Variants in TACC1 observed in about 807,000 individuals in gnomAD.
TACC1 encodes transforming acidic coiled-coil containing protein 1.
Under a neutral mutation model 84.4 loss-of-function variants are expected in TACC1, and 48 were observed. That is an observed-to-expected ratio of 0.57 (90% CI 0.45 to 0.72). The LOEUF is 0.72. TACC1 is among the 30% of genes least tolerant of loss of function. The probability of loss-of-function intolerance (pLI) is 0.00; values close to 1 mark genes in which losing one functional copy is unlikely to be tolerated. For synonymous variants in TACC1, 372 were observed against 376.3 expected, an observed-to-expected ratio of 0.99 and a Z score of 0.13; for missense variants, 920 against 973.0, an observed-to-expected ratio of 0.95 and a Z score of 0.72.
At chr8:38,815,093 G>T (rs1315640497) in intron 2 of TACC1, among the ~76,000 whole-genome samples, 1 of 152,168 alleles carries the variant, frequency 6.6e-6, no homozygotes, top group African/African-American at 2.4e-5. Flanking sequence ...ATATGGAAAG[G>T]GTGGCTCTCC....
At chr8:38,736,344 G>A (rs1805951769) in intron 1 of TACC1, among the ~76,000 whole-genome samples, 3 of 152,206 alleles carry the variant, frequency 2.0e-5, no homozygotes, top group Admixed American at 2.0e-4. Flanking sequence ...TGCCTGTGTG[G>A]TGGCTCATGC....
rs1272014153 is a variant in TACC1 at position 38,851,003 on chromosome 8, C to CAT, written c.*2981_*2982insTA. On this transcript the variant is annotated 3_prime_UTR_variant, in exon 13 of 13. Transcript: ENST00000317827. ...CTGAACAATTCCCCCCGTGGCTGCC[C>CAT]AGATAGTCACAGTCAAGGTTGGAGA... The CAT allele has an allele frequency of 6.6e-6, 1 of 152,594 alleles. No individual in the cohort carries two copies. Among genetic ancestry groups the CAT allele is most frequent in the Non-Finnish European group, 1.5e-5 (1 of 68,066 alleles). 9.5% of individuals were successfully genotyped at this position (152,594 alleles called of 1,614,324 possible).
Position 38,825,370 on chromosome 8 carries a change from T to C in TACC1, c.1452+2T>C. On this transcript the variant is annotated splice_donor_variant, in intron 4 of 12. Coordinates refer to ENST00000317827, the MANE Select transcript of TACC1 (RefSeq NM_006283.3). LOFTEE classifies it high-confidence loss of function. ...CTCGCCCTGGATGCATGTTCTCGGG[T>C]GAGTCTGTGCCCATCTCCAGAATGT... 1 of 1,614,094 alleles carries C rather than the reference T, an allele frequency of 6.2e-7. No individual in the cohort carries two copies. Among genetic ancestry groups the C allele is most frequent in the Non-Finnish European group, 8.5e-7 (1 of 1,179,962 alleles).
chr8:38,776,765 T>A (rs1021572758), intron 3 of TACC1, among the ~76,000 whole-genome samples: 8 of 152,050 alleles, frequency 5.3e-5, no homozygotes, highest in Non-Finnish European at 1.0e-4. Context: ...TTATCATTTT[T>A]AAAAATGCTT....
intron 4 of TACC1, among the ~76,000 whole-genome samples, chr8:38,825,860 T>C (rs1326847704): frequency 1.3e-5 from 2 of 152,246 alleles, no homozygotes; most frequent in Non-Finnish European, 2.9e-5. Context: ...GAAAGGCACT[T>C]ATGTTACAGA....
rs377544548 is a variant in TACC1, at chr8:38,787,754, G to T, written c.161+11G>T. 1,230 of 1,517,734 alleles carry T rather than the reference G, an allele frequency of 8.1e-4. 1 individual carries two copies. Among genetic ancestry groups the T allele is most frequent in the Non-Finnish European group, 1.0e-3 (1,147 of 1,141,412 alleles). The allele number at this position is 1,517,734 out of a possible 1,614,324, so 94.0% of individuals were successfully genotyped here. On this transcript the variant is annotated intron_variant, in intron 1 of 12. Coordinates refer to ENST00000317827, the MANE Select transcript of TACC1 (RefSeq NM_006283.3). ...ATCCTTGAGTTTCAGGCAAGTACAC[G>T]GCGTCCCCGCTGAGATGCAGACGCG...
At chr8:38,766,006 A>G (rs1812180717) in intron 3 of TACC1, among the ~76,000 whole-genome samples, 1 of 152,168 alleles carries the variant, frequency 6.6e-6, no homozygotes, top group East Asian at 1.9e-4. Flanking sequence ...TCAGGCATAC[A>G]TTTTTCAGGG....
chr8:38,766,125 C>G (rs1398024734), intron 3 of TACC1, among the ~76,000 whole-genome samples: 1 of 152,204 alleles, frequency 6.6e-6, no homozygotes, highest in Non-Finnish European at 1.5e-5. Flanking sequence ...CCTTTATCTT[C>G]CAGCTCCTTT....
At chr8:38,809,012 C>T (rs570679135) in intron 2 of TACC1, among the ~76,000 whole-genome samples, 3 of 152,036 alleles carry the variant, frequency 2.0e-5, no homozygotes, top group East Asian at 3.9e-4. Flanking sequence ...TTACCTGGCA[C>T]CTGCCCCGAG....
At chr8:38,761,839 C>T (rs1208018170) in intron 3 of TACC1, among the ~76,000 whole-genome samples, 2 of 152,092 alleles carry the variant, frequency 1.3e-5, no homozygotes, top group African/African-American at 2.4e-5. Context: ...CCCAGAGCAA[C>T]CAGCCCTGTG....
chr8:38,827,399 T>C, intron 5 of TACC1, 24 bp downstream of exon 5: 1 of 1,611,366 alleles, frequency 6.2e-7, no homozygotes, highest in East Asian at 2.2e-5. Context: ...TCTTCATCTT[T>C]CTAATGTACA....
At chr8:38,743,636 T>G (rs886293507) in intron 2 of TACC1, among the ~76,000 whole-genome samples, 6 of 152,194 alleles carry the variant, frequency 3.9e-5, no homozygotes, top group Non-Finnish European at 7.3e-5. Flanking sequence ...AATTTAATAA[T>G]GAGTATTAAT....
intron 2 of TACC1, among the ~76,000 whole-genome samples, chr8:38,796,404 C>G (rs148718340): frequency 3.0e-4 from 46 of 152,268 alleles, no homozygotes; most frequent in African/African-American, 9.6e-4. Context: ...TAAAATGTTG[C>G]CAGAGCAGGG....
rs1029033426 is a variant in TACC1 at position 38,787,267 on chromosome 8, G to A, written c.-316G>A. ...GCGAGCCGGGAGCGGGAGCAGCAGA[G>A]GTCTAGCAGCCGGGCGCCGCGGGCC... On this transcript the variant is annotated 5_prime_UTR_variant, in exon 1 of 13. Transcript: ENST00000317827. The A allele has an allele frequency of 1.0e-5, 11 of 1,063,038 alleles. No homozygotes were observed. Among genetic ancestry groups the A allele is most frequent in the African/African-American group, 6.7e-5 (4 of 59,786 alleles). 65.9% of individuals were successfully genotyped at this position (1,063,038 alleles called of 1,614,324 possible).
chr8:38,763,869 CAG>C (rs1186565026), intron 3 of TACC1, among the ~76,000 whole-genome samples: 4 of 152,112 alleles, frequency 2.6e-5, no homozygotes, highest in African/African-American at 9.7e-5. Flanking sequence ...ATAAACAACA[CAG>C]TTAATAAACA....
In TACC1 at chr8:38,819,940, G is replaced by C. The variant is rs1246076725; in HGVS notation, c.696G>C (p.Lys232Asn). 6.2e-7 allele frequency: 1 copy of C among 1,614,128 alleles called. No individual in the cohort carries two copies. Among genetic ancestry groups the C allele is most frequent in the South Asian group, 1.1e-5 (1 of 91,086 alleles). Residue 232 changes from lysine to asparagine, a missense_variant, in exon 3 of 13, where the codon AAG (lysine) becomes AAC (asparagine). Coordinates refer to ENST00000317827, the MANE Select transcript of TACC1 (RefSeq NM_006283.3). ...LVPSRRSKLR[K>N]PKPVPLRKKA... ...CCAGCAGAAGAAGCAAGCTGAGAAA[G>C]CCCAAGCCTGTCCCCCTGAGGAAGA...
intron 3 of TACC1, among the ~76,000 whole-genome samples, chr8:38,758,680 A>AAC (rs1810617524): frequency 1.6e-5 from 2 of 128,440 alleles, no homozygotes; most frequent in South Asian, 2.2e-4. Flanking sequence ...CTCCATCTCA[A>AAC]AAAAAAAAAA....
chr8:38,759,272 G>A (rs537051499), intron 3 of TACC1, among the ~76,000 whole-genome samples: 135 of 152,298 alleles, frequency 8.9e-4, no homozygotes, highest in Non-Finnish European at 1.6e-3. Flanking sequence ...CTATTCTGAG[G>A]TTGACATAAA....
In TACC1 at chr8:38,787,638, G is replaced by T. The variant is rs1323648943; in HGVS notation, c.56G>T (p.Trp19Leu). The T allele has an allele frequency of 1.3e-6, 2 of 1,550,476 alleles. No individual in the cohort carries two copies. The highest frequency in any genetic ancestry group is 2.4e-5 in the South Asian group (2 of 84,520). The change falls in exon 1 of 13, where the codon TGG becomes TTG. Residue 19 changes from tryptophan (W) to leucine (L), a missense_variant. Coordinates refer to ENST00000317827, the MANE Select transcript of TACC1 (RefSeq NM_006283.3). ...CCCGTGCAGTGGGCGAAATGGACGT[G>T]GTCTGCGGTACGCGGCGGGGCCGCC... Reference protein sequence around the residue: ...LSPVQWAKWTWSAVRGGAAGE... With the variant: ...LSPVQWAKWTLSAVRGGAAGE...
Sources: gnomAD v4.1 joint callset for allele counts (sites outside exome capture counted in the v4.1 genomes callset) on GRCh38, gnomAD v4.1.1 for gene constraint, MANE v1.5 for transcripts, NCBI Gene and HGNC (gene_info 2026-07-23, HGNC 2026-07-21) for gene names.